The following NR6A1 variants were observed in gnomAD, a reference collection of about 807,000 sequenced individuals.
The protein encoded by NR6A1 is nuclear receptor subfamily 6 group A member 1, also known as retinoic acid receptor-related testis-associated receptor.
NR6A1 carries 7 observed loss-of-function variants against 59.1 expected under a neutral mutation model. That is an observed-to-expected ratio of 0.12 (90% CI 0.07 to 0.22). NR6A1 has a LOEUF of 0.22. Ranked by LOEUF, NR6A1 falls within the 10% of genes least tolerant of loss-of-function variation. NR6A1 has a pLI of 1.00. For missense variants in NR6A1, 468 were observed against 611.6 expected (o/e 0.77, Z 2.48); for synonymous variants, 243 against 236.1 (o/e 1.03, Z -0.27).
At chr9:124,574,558 AATAT>A (rs1486341810) in intron 2 of NR6A1, among the ~76,000 whole-genome samples, 1 of 152,214 alleles carries the variant, frequency 6.6e-6, no homozygotes, top group Non-Finnish European at 1.5e-5. Context: ...TCCTGGTCTT[AATAT>A]AATCTGTGAA....
intron 3 of NR6A1, among the ~76,000 whole-genome samples, chr9:124,547,939 A>G (rs761089300): frequency 6.6e-6 from 1 of 152,210 alleles, no homozygotes; most frequent in Non-Finnish European, 1.5e-5. Flanking sequence ...CAAAAATTGA[A>G]TAAGATCTGC....
At chr9:124,645,810 A>C in intron 2 of NR6A1, among the ~76,000 whole-genome samples, 1 of 152,214 alleles carries the variant, frequency 6.6e-6, no homozygotes, top group Admixed American at 6.5e-5. Flanking sequence ...ATTCAATAGC[A>C]GCAGATTTCA....
At chr9:124,627,245 A>T (rs1239591417) in intron 2 of NR6A1, among the ~76,000 whole-genome samples, 4 of 152,202 alleles carry the variant, frequency 2.6e-5, no homozygotes, top group Admixed American at 6.5e-5. Flanking sequence ...TGTAACTGAG[A>T]TCAGAACCCA....
chr9:124,585,530 C>A (rs550747560), intron 2 of NR6A1, among the ~76,000 whole-genome samples: 1 of 114,436 alleles, frequency 8.7e-6, no homozygotes, highest in Non-Finnish European at 1.6e-5. Context: ...GGTGACACAG[C>A]GAGACTCCAT....
At chr9:124,618,977 T>C (rs1835980992) in intron 2 of NR6A1, among the ~76,000 whole-genome samples, 1 of 152,150 alleles carries the variant, frequency 6.6e-6, no homozygotes, top group Non-Finnish European at 1.5e-5. Context: ...GATAAACTCT[T>C]TCACCTAGAA....
chr9:124,711,897 G>T (rs1839290357), intron 2 of NR6A1, among the ~76,000 whole-genome samples: 1 of 152,196 alleles, frequency 6.6e-6, no homozygotes, highest in Non-Finnish European at 1.5e-5. Context: ...GAGGAGCTGG[G>T]ACTATAGGCC....
At chr9:124,559,256 A>C (rs886696762) in intron 2 of NR6A1, among the ~76,000 whole-genome samples, 4 of 152,230 alleles carry the variant, frequency 2.6e-5, no homozygotes, top group Non-Finnish European at 4.4e-5. Context: ...GTTCCAAGAC[A>C]AAGAGTTGCC....
Position 124,771,279 on chromosome 9 carries a change from C to T in NR6A1, c.-160G>A. The T allele has an allele frequency of 2.5e-6, 1 of 392,172 alleles. No individual in the cohort carries two copies. Among genetic ancestry groups the T allele is most frequent in the East Asian group, 3.7e-5 (1 of 27,200 alleles). The allele number at this position is 392,172 out of a possible 1,614,324, so 24.3% of individuals were successfully genotyped here. ...CCGAGCCGCCCGGCTCCGCGCCGCT[C>T]CGCGCCCCTCCGCGCCGCGCCCCCT... On this transcript the variant is annotated 5_prime_UTR_variant, in exon 1 of 10. Transcript: ENST00000487099.
intron 2 of NR6A1, among the ~76,000 whole-genome samples, chr9:124,712,401 G>A (rs549287585): frequency 1.3e-5 from 2 of 152,104 alleles, no homozygotes; most frequent in South Asian, 4.1e-4. Context: ...TTGAGGCCAG[G>A]AGCTGGAGAC....
At chr9:124,758,113 A>G (rs1217043247) in intron 1 of NR6A1, among the ~76,000 whole-genome samples, 2 of 152,194 alleles carry the variant, frequency 1.3e-5, no homozygotes, top group Non-Finnish European at 2.9e-5. Flanking sequence ...TGTCACCAAG[A>G]AAGGGAATAT....
At chr9:124,621,556 C>T (rs992219196) in intron 2 of NR6A1, among the ~76,000 whole-genome samples, 11 of 150,354 alleles carry the variant, frequency 7.3e-5, no homozygotes, top group Non-Finnish European at 1.0e-4. Flanking sequence ...TAGGAGGATA[C>T]GGTGGGAGTA....
At chr9:124,648,318 C>G (rs758191070) in intron 2 of NR6A1, among the ~76,000 whole-genome samples, 1 of 151,928 alleles carries the variant, frequency 6.6e-6, no homozygotes, top group Non-Finnish European at 1.5e-5. Context: ...GGCAACATAG[C>G]GAGACCCCAT....
At chr9:124,640,142 T>C (rs1836729806) in intron 2 of NR6A1, among the ~76,000 whole-genome samples, 1 of 152,194 alleles carries the variant, frequency 6.6e-6, no homozygotes, top group Admixed American at 6.5e-5. Context: ...AAAACAATTA[T>C]CTTAATCCAG....
intron 2 of NR6A1, among the ~76,000 whole-genome samples, chr9:124,638,191 T>C (rs1441097314): frequency 2.6e-5 from 4 of 151,372 alleles, no homozygotes. Context: ...AGGAGTTTGA[T>C]GTTACAGTGA....
At chr9:124,744,294 T>C (rs1245562009) in intron 1 of NR6A1, among the ~76,000 whole-genome samples, 1 of 152,160 alleles carries the variant, frequency 6.6e-6, no homozygotes, top group Non-Finnish European at 1.5e-5. Flanking sequence ...CAGAAAAATA[T>C]AAGAAAATGT....
chr9:124,589,894 G>C (rs560695197), intron 2 of NR6A1, among the ~76,000 whole-genome samples: 1 of 151,738 alleles, frequency 6.6e-6, no homozygotes, highest in Non-Finnish European at 1.5e-5. Context: ...GTGAAATCCC[G>C]TCTCTACTAA....
chr9:124,611,161 C>CACTT (rs1224091765), intron 2 of NR6A1, among the ~76,000 whole-genome samples: 1 of 149,388 alleles, frequency 6.7e-6, no homozygotes, highest in Non-Finnish European at 1.5e-5. Context: ...TGTGAGCCTT[C>CACTT]ACTTCCCTTA....
At chr9:124,617,271 C>G (rs1835923054) in intron 2 of NR6A1, among the ~76,000 whole-genome samples, 1 of 152,178 alleles carries the variant, frequency 6.6e-6, no homozygotes, top group Non-Finnish European at 1.5e-5. Flanking sequence ...TTTGAAGATT[C>G]CCGGGTGGCC....
At chr9:124,626,377 C>T (rs1564207025) in intron 2 of NR6A1, among the ~76,000 whole-genome samples, 1 of 152,184 alleles carries the variant, frequency 6.6e-6, no homozygotes, top group Non-Finnish European at 1.5e-5. Flanking sequence ...AATCTCCATC[C>T]ATCCAGCCAG....
Sources: allele counts gnomAD v4.1 joint callset (sites outside exome capture counted in the v4.1 genomes callset), GRCh38; gene constraint gnomAD v4.1.1; transcripts MANE v1.5; gene names NCBI Gene and HGNC (gene_info 2026-07-23, HGNC 2026-07-21).